NAA15: variants seen among roughly 807,000 people sequenced by gnomAD.
NAA15 encodes N-alpha-acetyltransferase 15, NatA auxiliary subunit.
In NAA15, 34 loss-of-function variants were observed where a neutral mutation model predicts 114.0. The observed-to-expected ratio is 0.30, with a 90% confidence interval of 0.23 to 0.40. The LOEUF is 0.40. Ranked by LOEUF, NAA15 falls within the 10% of genes least tolerant of loss-of-function variation. The pLI, the probability that NAA15 is intolerant of heterozygous loss-of-function variation, is 1.00. For missense variants in NAA15, 658 were observed against 1,004.5 expected, an observed-to-expected ratio of 0.66 and a Z score of 4.66; for synonymous variants, 340 against 338.0, an observed-to-expected ratio of 1.01 and a Z score of -0.06.
chr4:139,344,074 T>A (rs945358614), intron 5 of NAA15, 112 bp from the exon 6 acceptor site: 2 of 903,434 alleles, frequency 2.2e-6, no homozygotes, highest in African/African-American at 1.7e-5. Flanking sequence ...AAAATTAGTT[T>A]TATCAACCGG....
intron 1 of NAA15, among the ~76,000 whole-genome samples, chr4:139,308,562 T>C (rs902958715): frequency 6.6e-6 from 1 of 152,218 alleles, no homozygotes; most frequent in African/African-American, 2.4e-5. Flanking sequence ...GTTTGGTCTG[T>C]TCTGAAATCC....
At chr4:139,308,107 A>G (rs768245151) in intron 1 of NAA15, among the ~76,000 whole-genome samples, 9 of 151,880 alleles carry the variant, frequency 5.9e-5, no homozygotes, top group South Asian at 2.1e-4. Context: ...GACTACAGGC[A>G]CCTGCCACCA....
At chr4:139,322,986 C>T (rs569256734) in intron 1 of NAA15, among the ~76,000 whole-genome samples, 1 of 151,938 alleles carries the variant, frequency 6.6e-6, no homozygotes, top group East Asian at 1.9e-4. Flanking sequence ...CCACCGCTCC[C>T]AGCCTCAGCT....
Position 139,360,610 on chromosome 4 carries a change from A to C in NAA15, c.1521A>C (p.Lys507Asn). ...ATAAATTTGGTGAAGCACTTAAGAA[A>C]TGTCATGAGATTGAGAGAGTAAGTA... ...AMNKFGEALK[K>N]CHEIERHFIE... The change falls in exon 13 of 20, where the codon AAA becomes AAC. Residue 507 changes from lysine (K) to asparagine (N), a missense_variant. Transcript: ENST00000296543. The C allele has an allele frequency of 6.2e-7, 1 of 1,607,200 alleles. No individual in the cohort carries two copies. The highest frequency in any genetic ancestry group is 2.3e-5 in the East Asian group (1 of 44,434).
chr4:139,342,745 G>A (rs995351738), intron 4 of NAA15, 81 bp from the exon 5 acceptor site: 129 of 1,379,056 alleles, frequency 9.4e-5, no homozygotes, highest in Non-Finnish European at 1.2e-4. Flanking sequence ...ACTGCGCCTG[G>A]CCTAATATGG....
At chr4:139,362,083 TG>T in intron 14 of NAA15, 146 bp downstream of exon 14, 1 of 485,642 alleles carries the variant, frequency 2.1e-6, no homozygotes, top group Non-Finnish European at 3.5e-6. Context: ...AAAAGAAAAA[TG>T]TTTACTTTTA....
chr4:139,371,936 G>A (rs1005244056), intron 15 of NAA15, among the ~76,000 whole-genome samples: 3 of 152,048 alleles, frequency 2.0e-5, no homozygotes, highest in African/African-American at 7.2e-5. Flanking sequence ...GTTTGTTTGA[G>A]GTGGAGTCTT....
chr4:139,374,958 T>A (rs1748542939), intron 15 of NAA15, among the ~76,000 whole-genome samples: 1 of 152,220 alleles, frequency 6.6e-6, no homozygotes, highest in African/African-American at 2.4e-5. Flanking sequence ...ATAGTCCTTG[T>A]TTCCCTTTGT....
chr4:139,312,223 G>T (rs1458753704), intron 1 of NAA15, among the ~76,000 whole-genome samples: 1 of 151,916 alleles, frequency 6.6e-6, no homozygotes, highest in Non-Finnish European at 1.5e-5. Context: ...AAGAATGTCA[G>T]TTGCCAATTC....
Position 139,351,516 on chromosome 4 carries a change from A to G in NAA15, c.919A>G (p.Lys307Glu). 2.5e-6 allele frequency: 4 copies of G among 1,592,854 alleles called. No individual in the cohort carries two copies. Among genetic ancestry groups the G allele is most frequent in the Non-Finnish European group, 3.4e-6 (4 of 1,161,364 alleles). The change falls in exon 9 of 20, where the codon AAA becomes GAA. Residue 307 changes from lysine to glutamate, a missense_variant. By Grantham distance (56) the Lys-to-Glu change is moderately conservative. Coordinates refer to ENST00000296543, the MANE Select transcript of NAA15 (RefSeq NM_057175.5). Reference sequence around the variant, plus strand: ...TTTTCTCTTCCAAGGTGAGAAGTTTAAAGAATGTTTGGATAAGTTCCTAAG... The same window carrying G: ...TTTTCTCTTCCAAGGTGAGAAGTTTGAAGAATGTTTGGATAAGTTCCTAAG... ...PLNFLSGEKF[K>E]ECLDKFLRMN...
At chr4:139,381,208 T>C (rs1440657605) in intron 17 of NAA15, among the ~76,000 whole-genome samples, 1 of 152,200 alleles carries the variant, frequency 6.6e-6, no homozygotes, top group African/African-American at 2.4e-5. Flanking sequence ...TTTTTCTTAT[T>C]ATGAGGATGA....
intron 6 of NAA15, among the ~76,000 whole-genome samples, chr4:139,348,457 A>T (rs1579112926): frequency 1.3e-5 from 2 of 152,056 alleles, no homozygotes; most frequent in South Asian, 4.2e-4. Flanking sequence ...TATCACAAAA[A>T]AAAAAAAAAA....
intron 11 of NAA15, 70 bp from the exon 12 acceptor site, chr4:139,359,673 C>A: frequency 1.4e-6 from 2 of 1,434,574 alleles, no homozygotes; most frequent in Non-Finnish European, 1.9e-6. Flanking sequence ...TATTTATCAA[C>A]AGATAATGAA....
chr4:139,370,713 T>C (rs934461459), intron 15 of NAA15, among the ~76,000 whole-genome samples: 12 of 152,288 alleles, frequency 7.9e-5, no homozygotes, highest in African/African-American at 2.6e-4. Flanking sequence ...CCTTGGACAC[T>C]TTGTCTAACC....
At chr4:139,337,055 A>G (rs1747222776) in intron 3 of NAA15, 103 bp downstream of exon 3, 5 of 581,052 alleles carry the variant, frequency 8.6e-6, no homozygotes, top group Admixed American at 3.4e-5. Context: ...GCTATTACAG[A>G]GGAAATTATT....
Position 139,361,809 on chromosome 4 carries a change from T to C in NAA15, c.1625T>C (p.Leu542Ser). 1 of 1,613,288 alleles carries C rather than the reference T, an allele frequency of 6.2e-7. No individual in the cohort carries two copies. Among genetic ancestry groups the C allele is most frequent in the Non-Finnish European group, 8.5e-7 (1 of 1,179,400 alleles). ...KITLRSYVDL[L>S]KLEDVLRQHP... ...ACCCTTAGATCATATGTGGACTTAT[T>C]AAAACTAGAAGATGTACTTCGACAG... The change falls in exon 14 of 20, where the codon TTA becomes TCA. Residue 542 changes from leucine to serine, a missense_variant. This residue lies in a region of NAA15 where 7 missense variants were observed against 35.0 expected (regional missense o/e 0.20). Coordinates refer to ENST00000296543, the MANE Select transcript of NAA15 (RefSeq NM_057175.5).
chr4:139,348,637 T>G (rs1747679743), intron 6 of NAA15, among the ~76,000 whole-genome samples: 1 of 152,180 alleles, frequency 6.6e-6, no homozygotes, highest in Non-Finnish European at 1.5e-5. Flanking sequence ...CCTGAATATT[T>G]GAAGCTTATA....
intron 13 of NAA15, 127 bp from the exon 14 acceptor site, chr4:139,361,597 A>T: frequency 1.7e-6 from 1 of 598,532 alleles, no homozygotes; most frequent in East Asian, 2.9e-5. Flanking sequence ...GAATAATTGT[A>T]ATTGTTTTTT....
At chr4:139,343,216 C>T (rs1188201811) in intron 5 of NAA15, among the ~76,000 whole-genome samples, 2 of 152,142 alleles carry the variant, frequency 1.3e-5, no homozygotes, top group Non-Finnish European at 2.9e-5. Flanking sequence ...AATTGCAAGA[C>T]ATCATGCTCC....
Sources: allele counts gnomAD v4.1 joint callset (sites outside exome capture counted in the v4.1 genomes callset), GRCh38; gene constraint gnomAD v4.1.1; regional missense constraint gnomAD v4.1.1; transcripts MANE v1.5; gene names NCBI Gene and HGNC (gene_info 2026-07-23, HGNC 2026-07-21).